KCNAB2: variants seen among roughly 807,000 people sequenced by gnomAD.
KCNAB2 encodes the protein voltage-gated potassium channel subunit beta-2.
In KCNAB2, 29 loss-of-function variants were observed where a neutral mutation model predicts 63.6. The ratio of observed to expected loss-of-function variants is 0.46; its 90% CI spans 0.34 to 0.62. The LOEUF (loss-of-function observed/expected upper bound fraction) is 0.62. Among genes scored for constraint, KCNAB2 ranks in the 20% least tolerant of loss-of-function variants. The pLI is 0.01. For synonymous variants in KCNAB2, 222 were observed against 224.2 expected, an observed-to-expected ratio of 0.99 and a Z score of 0.09; for missense variants, 359 against 563.9, an observed-to-expected ratio of 0.64 and a Z score of 3.68.
rs58094772 is a variant in KCNAB2 at position 6,078,787 on chromosome 1, A to G, written c.301-3408A>G. Among the ~76,000 whole-genome samples, 2,077 of 152,220 alleles carry G rather than the reference A, an allele frequency of 0.014. 54 individuals carry two copies. Among genetic ancestry groups the G allele is most frequent in the African/African-American group, 0.047 (1,938 of 41,466 alleles). ...CAGAGTTCAGCGTGTGCACGATCCC[A>G]TGTACTCGGAAGGCACATCCTGATG... is the stretch of plus-strand genomic sequence containing the variant. On this transcript the variant is annotated intron_variant, in intron 4 of 15. Coordinates refer to ENST00000378083, the MANE Select transcript of KCNAB2 (RefSeq NM_001199862.2). This position sits in a 1 kb window ranked among gnomAD's most constrained non-coding sequence, Gnocchi z 4.2.
chr1:6,094,949 G>A (rs1185587093), intron 11 of KCNAB2, among the ~76,000 whole-genome samples: 3 of 152,214 alleles, frequency 2.0e-5, no homozygotes, highest in South Asian at 2.1e-4. Flanking sequence ...AATCCTCACC[G>A]GTGCCTTTAC....
intron 1 of KCNAB2, among the ~76,000 whole-genome samples, chr1:6,037,171 A>AC (rs768759537): frequency 2.6e-5 from 4 of 152,002 alleles, no homozygotes; most frequent in Non-Finnish European, 5.9e-5. Flanking sequence ...AGATTCTTGG[A>AC]CCCCCACCCT....
chr1:6,053,570 T>G (rs1661561164), intron 2 of KCNAB2, among the ~76,000 whole-genome samples: 1 of 152,166 alleles, frequency 6.6e-6, no homozygotes, highest in Non-Finnish European at 1.5e-5. Context: ...CTGGAATGGA[T>G]GCCTCTCTCA....
chr1:6,094,873 A>G (rs74049399), intron 11 of KCNAB2, among the ~76,000 whole-genome samples: 3,478 of 152,306 alleles, frequency 0.023, 138 homozygotes, highest in African/African-American at 0.078. Context: ...AGCTGTTTCC[A>G]CTGGGCTCCT....
intron 1 of KCNAB2, among the ~76,000 whole-genome samples, chr1:6,026,663 C>T (rs551143222): frequency 5.3e-5 from 8 of 152,352 alleles, no homozygotes; most frequent in Admixed American, 2.6e-4. Flanking sequence ...CCCGGCCCTT[C>T]ACTGCTTCCT....
intron 2 of KCNAB2, among the ~76,000 whole-genome samples, chr1:6,061,236 G>A (rs923130590): frequency 3.3e-5 from 5 of 152,224 alleles, no homozygotes; most frequent in African/African-American, 9.6e-5. Flanking sequence ...AGCAGGTACC[G>A]GAGAGACAGA....
intron 2 of KCNAB2, among the ~76,000 whole-genome samples, chr1:6,054,983 C>T (rs964358289): frequency 6.6e-6 from 1 of 152,082 alleles, no homozygotes; most frequent in Admixed American, 6.6e-5. Context: ...AGGAAATCAG[C>T]GGGAATTGGC....
At chr1:6,095,941 C>T (rs2100791988) in intron 13 of KCNAB2, among the ~76,000 whole-genome samples, 1 of 150,218 alleles carries the variant, frequency 6.7e-6, no homozygotes, top group Admixed American at 6.6e-5. Context: ...CACCACAGCC[C>T]AGCATTCAGA....
chr1:6,093,586 C>T (rs553222165), intron 10 of KCNAB2, among the ~76,000 whole-genome samples: 2 of 152,198 alleles, frequency 1.3e-5, no homozygotes, highest in Non-Finnish European at 2.9e-5. Flanking sequence ...GAGTCTCCGC[C>T]GTCCACGATT....
chr1:6,098,570 C>T lies in KCNAB2; in HGVS notation c.1244C>T (p.Ser415Phe), dbSNP rs770807216. The change falls in exon 16 of 16, where the codon TCC (serine) becomes TTC (phenylalanine). Residue 415 changes from serine (S) to phenylalanine (F), a missense_variant. Physicochemically the swap from Ser to Phe is radical, Grantham distance 155. Coordinates refer to ENST00000378083, the MANE Select transcript of KCNAB2 (RefSeq NM_001199862.2). The part of the protein sequence containing the change: ...NKPYSKKDYR[S>F] ...CCCTACAGCAAAAAGGACTACAGAT[C>T]CTAAGCCGCCCCCGCCCGCCTGCTC... 6.2e-7 allele frequency: 1 copy of T among 1,613,734 alleles called. No homozygotes were observed.
chr1:6,011,874 C>T (rs1443447110), intron 1 of KCNAB2, among the ~76,000 whole-genome samples: 1 of 152,206 alleles, frequency 6.6e-6, no homozygotes, highest in Non-Finnish European at 1.5e-5. Context: ...TGGAGAGCAG[C>T]AGAATTGCCC....
rs1656840978 is a variant in KCNAB2 at position 5,994,635 on chromosome 1, C to A, written c.-53+1847C>A. On this transcript the variant is annotated intron_variant, in intron 1 of 16. Transcript: ENST00000341524. This position sits in a 1 kb window ranked among gnomAD's most constrained non-coding sequence, Gnocchi z 5.4. ...GGGGGTGTCGTGAAAAAGTGTGAAA[C>A]CCTTTTCGTGTGTTTCTTGGTTGAG... is the stretch of plus-strand genomic sequence containing the variant. Among the ~76,000 whole-genome samples the A allele has an allele frequency of 6.6e-6, 1 of 152,062 alleles. No homozygotes were observed. Among genetic ancestry groups the A allele is most frequent in the Non-Finnish European group, 1.5e-5 (1 of 68,020 alleles).
Position 6,097,271 on chromosome 1 carries a change from T to C in KCNAB2, c.1072T>C (p.Trp358Arg). The change falls in exon 15 of 16, where the codon TGG becomes CGG. Residue 358 changes from tryptophan to arginine, a missense_variant and splice_region_variant. Physicochemically the swap from Trp to Arg is moderately radical, Grantham distance 101. This residue lies in a region of KCNAB2 where 271 missense variants were observed against 476.1 expected (regional missense o/e 0.57). Coordinates refer to ENST00000378083, the MANE Select transcript of KCNAB2 (RefSeq NM_001199862.2). ...CACCTTGGGTCTCGCCGCCACAGCC[T>C]GGTGCCTGAGGAATGAGGGAGTCAG... is the stretch of plus-strand genomic sequence containing the variant. ...GCTLPQLAIA[W>R]CLRNEGVSSV... 6.5e-7 allele frequency: 1 copy of C among 1,545,294 alleles called. No individual in the cohort carries two copies. The highest frequency in any genetic ancestry group is 8.8e-7 in the Non-Finnish European group (1 of 1,142,854).
intron 1 of KCNAB2, among the ~76,000 whole-genome samples, chr1:6,008,550 G>A (rs1657959944): frequency 6.6e-6 from 1 of 151,932 alleles, no homozygotes; most frequent in Non-Finnish European, 1.5e-5. Flanking sequence ...GAACCCGGGT[G>A]GCGTGGTGGA....
chr1:6,082,153 C>G (rs1664263342), intron 4 of KCNAB2, 42 bp from the exon 5 acceptor site: 1 of 1,569,180 alleles, frequency 6.4e-7, no homozygotes, highest in Non-Finnish European at 8.8e-7. Context: ...CCTCTGGGCC[C>G]CACCCCCGGC....
rs145156395 is a variant in KCNAB2, at chr1:6,014,673, C to T, written c.-53+21885C>T. Among the ~76,000 whole-genome samples, 1,055 of 152,280 alleles carry T rather than the reference C, an allele frequency of 6.9e-3. 12 individuals are homozygous for T. The highest frequency in any genetic ancestry group is 0.01 in the South Asian group (50 of 4,810). On this transcript the variant is annotated intron_variant, in intron 1 of 16. Transcript: ENST00000341524. ...CCAGAGAAGATGAACCTGATGCCTGCGATCTGATGAGAAGTCACAGTTACC... is the reference window on the plus strand; with the variant it reads ...CCAGAGAAGATGAACCTGATGCCTGTGATCTGATGAGAAGTCACAGTTACC...
At chr1:6,029,534 C>G (rs1447802006), upstream of KCNAB2, among the ~76,000 whole-genome samples, 1 of 152,198 alleles carries the variant, frequency 6.6e-6, no homozygotes, top group Admixed American at 6.5e-5. Context: ...GAGTCACACC[C>G]AGACCTGGGG....
At chr1:6,005,742 CAG>C (rs201873375) in intron 1 of KCNAB2, among the ~76,000 whole-genome samples, 1,747 of 152,054 alleles carry the variant, frequency 0.011, 30 homozygotes, top group African/African-American at 0.039. Context: ...CGTGGGGAGA[CAG>C]GGCACAGCCT....
chr1:6,039,077 G>A (rs1660283295), intron 1 of KCNAB2, among the ~76,000 whole-genome samples: 1 of 152,234 alleles, frequency 6.6e-6, no homozygotes, highest in Admixed American at 6.5e-5. Context: ...TGTGCAGGCA[G>A]CAAGGGCGTG....
Sources: allele counts gnomAD v4.1 joint callset (sites outside exome capture counted in the v4.1 genomes callset), GRCh38; gene constraint gnomAD v4.1.1; regional missense constraint gnomAD v4.1.1; non-coding constraint Gnocchi (gnomAD v3.1); transcripts MANE v1.5; gene names NCBI Gene and HGNC (gene_info 2026-07-23, HGNC 2026-07-21).